NOS2: variants seen among roughly 807,000 people sequenced by gnomAD.
NOS2 encodes the protein nitric oxide synthase, inducible.
A neutral mutation model predicts 136.0 loss-of-function variants in NOS2; 96 were observed. That is an observed-to-expected ratio of 0.71 (90% CI 0.60 to 0.84). NOS2 has a LOEUF of 0.84. Among genes scored for constraint, NOS2 ranks in the 40% least tolerant of loss-of-function variants. The pLI is 0.00. For missense variants in NOS2, 1,237 were observed against 1,496.9 expected, an observed-to-expected ratio of 0.83 and a Z score of 2.87; for synonymous variants, 539 against 587.5, an observed-to-expected ratio of 0.92 and a Z score of 1.20.
chr17:27,766,868 G>A (rs1908319523), intron 18 of NOS2, among the ~76,000 whole-genome samples: 1 of 152,034 alleles, frequency 6.6e-6, no homozygotes, highest in Non-Finnish European at 1.5e-5. Flanking sequence ...CCAACATACT[G>A]AAACCAGGCA....
intron 2 of NOS2, among the ~76,000 whole-genome samples, chr17:27,798,461 A>G (rs1185005105): frequency 6.6e-6 from 1 of 151,868 alleles, no homozygotes; most frequent in East Asian, 1.9e-4. Flanking sequence ...AAAGATTCCA[A>G]GCTTCTTCAG....
At position 27,756,838 on chromosome 17, in the gene NOS2, A is replaced by T. The variant is rs750273194; in HGVS notation, c.*408T>A. 5.8e-6 allele frequency: 1 copy of T among 172,614 alleles called. No individual in the cohort carries two copies. Among genetic ancestry groups the T allele is most frequent in the Admixed American group, 6.3e-5 (1 of 15,952 alleles). The allele number at this position is 172,614 out of a possible 1,614,324, so 10.7% of individuals were successfully genotyped here. On this transcript the variant is annotated 3_prime_UTR_variant, in exon 27 of 27. Coordinates refer to ENST00000313735, the MANE Select transcript of NOS2 (RefSeq NM_000625.4). ...TCATACAGGGAAGACCCAAGTGGCC[A>T]TGGGGAACAGACTGGGTGTTAGTTT...
chr17:27,776,641 C>T (rs959203133), intron 11 of NOS2, among the ~76,000 whole-genome samples: 2 of 145,620 alleles, frequency 1.4e-5, no homozygotes, highest in African/African-American at 5.2e-5. Context: ...CCATGCACTC[C>T]AGCCTAGGCA....
At chr17:27,794,218 C>T (rs1909283146) in intron 2 of NOS2, among the ~76,000 whole-genome samples, 1 of 152,150 alleles carries the variant, frequency 6.6e-6, no homozygotes, top group African/African-American at 2.4e-5. Context: ...CTCACACCAC[C>T]TCACAAGGCT....
At chr17:27,786,118 G>T (rs901972201) in intron 5 of NOS2, among the ~76,000 whole-genome samples, 1 of 151,394 alleles carries the variant, frequency 6.6e-6, no homozygotes, top group Non-Finnish European at 1.5e-5. Flanking sequence ...TCCCCTTCCA[G>T]CCTAGAAAAC....
intron 7 of NOS2, 149 bp from the exon 8 acceptor site, chr17:27,781,326 T>C: frequency 1.1e-6 from 1 of 881,884 alleles, no homozygotes; most frequent in South Asian, 1.9e-5. Flanking sequence ...TGCCTTCTCC[T>C]GCTGCCCTCC....
At chr17:27,759,232 G>A (rs1187519154) in intron 25 of NOS2, among the ~76,000 whole-genome samples, 157 bp from the exon 26 acceptor site, 1 of 152,248 alleles carries the variant, frequency 6.6e-6, no homozygotes, top group African/African-American at 2.4e-5. Context: ...GGCTCAGGAT[G>A]AGGTGCATGG....
intron 5 of NOS2, among the ~76,000 whole-genome samples, chr17:27,785,420 C>T (rs1031906770): frequency 6.6e-6 from 1 of 152,162 alleles, no homozygotes; most frequent in Non-Finnish European, 1.5e-5. Flanking sequence ...CCCTAACAGG[C>T]TGCTCAATCC....
At position 27,789,586 on chromosome 17, in the gene NOS2, C is replaced by A. The variant is rs1451206154; in HGVS notation, c.195+18G>T. ...ACCAGGGAGGAAGGGGCTTCCCACACCCATGTGACTCACTGACCTTTCCCG... is the reference window on the plus strand; with the variant it reads ...ACCAGGGAGGAAGGGGCTTCCCACAACCATGTGACTCACTGACCTTTCCCG... On this transcript the variant is annotated intron_variant, in intron 3 of 26. Transcript: ENST00000313735. 6.3e-7 allele frequency: 1 copy of A among 1,594,940 alleles called. No homozygotes were observed. Among genetic ancestry groups the A allele is most frequent in the Non-Finnish European group, 8.6e-7 (1 of 1,162,590 alleles).
At chr17:27,770,207 C>T (rs751753649) in intron 15 of NOS2, among the ~76,000 whole-genome samples, 1 of 152,150 alleles carries the variant, frequency 6.6e-6, no homozygotes, top group Non-Finnish European at 1.5e-5. Context: ...TAGCTGAGCA[C>T]GGTGGCTCAC....
intron 5 of NOS2, among the ~76,000 whole-genome samples, chr17:27,783,344 A>G (rs1652394280): frequency 6.6e-6 from 1 of 152,182 alleles, no homozygotes. Flanking sequence ...TAAAGAGCCC[A>G]CATTTTCATT....
Position 27,787,978 on chromosome 17 carries a change from C to A in NOS2, c.319-152G>T, listed in dbSNP as rs1909072728. 8 of 746,902 alleles carry A rather than the reference C, an allele frequency of 1.1e-5. No individual in the cohort carries two copies. In the South Asian group the frequency reaches 1.7e-4, roughly 16 times the overall value. 46.3% of individuals were successfully genotyped at this position (746,902 alleles called of 1,614,324 possible). On this transcript the variant is annotated intron_variant, in intron 4 of 26. Transcript: ENST00000313735. ...CCTGTGGCACCTCCTCCTTGGGGTC[C>A]ACCTGGCTTTCTCCCACCTAGATCT...
intron 2 of NOS2, among the ~76,000 whole-genome samples, chr17:27,792,864 C>G (rs925783203): frequency 2.7e-5 from 4 of 150,246 alleles, no homozygotes; most frequent in African/African-American, 7.4e-5. Context: ...GTGATGCGCG[C>G]CTGTAGTCCC....
rs2151328521 is a variant in NOS2 at position 27,772,332 on chromosome 17, T to C, written c.1680A>G (p.Leu560=). 1 of 1,614,112 alleles carries C rather than the reference T, an allele frequency of 6.2e-7. No homozygotes were observed. Among genetic ancestry groups the C allele is most frequent in the Non-Finnish European group, 8.5e-7 (1 of 1,180,030 alleles). Residue 560 remains leucine, a synonymous_variant, in exon 14 of 27, where the codon TTA becomes TTG. Coordinates refer to ENST00000313735, the MANE Select transcript of NOS2 (RefSeq NM_000625.4). ...CCTTGGGGTTGAAGGCACAGCTGAA[T>C]AAGGCCCCCAGGTCCCAGGCCAGCG... The part of the protein sequence containing the change: ...SEALAWDLGA[L]FSCAFNPKVV...
chr17:27,769,596 G>A lies in NOS2; in HGVS notation c.1810-12C>T. ...GATTTCTTCAGTTTCTAGAAAGAGA[G>A]GGAATGACAGAGTTCTCAAGCCAGG... On this transcript the variant is annotated splice_polypyrimidine_tract_variant and intron_variant, in intron 15 of 26. Coordinates refer to ENST00000313735, the MANE Select transcript of NOS2 (RefSeq NM_000625.4). 6.2e-7 allele frequency: 1 copy of A among 1,608,384 alleles called. No homozygotes were observed. Among genetic ancestry groups the A allele is most frequent in the Non-Finnish European group, 8.5e-7 (1 of 1,174,776 alleles).
intron 26 of NOS2, among the ~76,000 whole-genome samples, chr17:27,757,931 T>G (rs1907979682): frequency 6.6e-6 from 1 of 152,170 alleles, no homozygotes; most frequent in African/African-American, 2.4e-5. Context: ...CCAGAGTGTT[T>G]CCTTCAGTAT....
chr17:27,790,605 T>C (rs951079685), intron 2 of NOS2, among the ~76,000 whole-genome samples: 5 of 152,192 alleles, frequency 3.3e-5, no homozygotes, highest in African/African-American at 1.2e-4. Context: ...ATACCTTCCC[T>C]GCCCCCATCA....
chr17:27,768,001 A>T (rs1317430100), intron 17 of NOS2, among the ~76,000 whole-genome samples, 164 bp from the exon 18 acceptor site: 2 of 152,230 alleles, frequency 1.3e-5, no homozygotes, highest in Non-Finnish European at 2.9e-5. Flanking sequence ...AAGGACTCAA[A>T]GAGGTGTCTG....
At chr17:27,793,228 T>A (rs1483173344) in intron 2 of NOS2, among the ~76,000 whole-genome samples, 1 of 151,966 alleles carries the variant, frequency 6.6e-6, no homozygotes, top group African/African-American at 2.4e-5. Flanking sequence ...GGGAAATGGA[T>A]CTCATTTGTG....
Sources: allele counts gnomAD v4.1 joint callset (sites outside exome capture counted in the v4.1 genomes callset), GRCh38; gene constraint gnomAD v4.1.1; transcripts MANE v1.5; gene names NCBI Gene and HGNC (gene_info 2026-07-23, HGNC 2026-07-21).